Variants in ADGRB3 observed in about 807,000 individuals in gnomAD.
ADGRB3 encodes brain-specific angiogenesis inhibitor 3.
A neutral mutation model predicts 193.4 loss-of-function variants in ADGRB3; 37 were observed. That is an observed-to-expected ratio of 0.19 (90% CI 0.15 to 0.25). The LOEUF (loss-of-function observed/expected upper bound fraction) is 0.25, where lower values mean the gene tolerates loss of function less well. Among genes scored for constraint, ADGRB3 ranks in the 10% least tolerant of loss-of-function variants. The pLI is 1.00. For synonymous variants in ADGRB3, 690 were observed against 644.2 expected (o/e 1.07, Z -1.08); for missense variants, 1,637 against 1,852.9 (o/e 0.88, Z 2.14).
intron 3 of ADGRB3, among the ~76,000 whole-genome samples, chr6:68,782,028 T>A (rs954228756): frequency 3.3e-5 from 5 of 152,048 alleles, no homozygotes; most frequent in African/African-American, 1.2e-4. Context: ...TGTGCAGGTT[T>A]GTTACATATG....
intron 13 of ADGRB3, among the ~76,000 whole-genome samples, chr6:69,043,111 T>C (rs550729011): frequency 1.3e-5 from 2 of 152,244 alleles, no homozygotes; most frequent in South Asian, 2.1e-4. Flanking sequence ...GCAGTGATTC[T>C]CTCACTCTAT....
intron 20 of ADGRB3, among the ~76,000 whole-genome samples, chr6:69,284,459 T>A (rs1239193386): frequency 6.6e-6 from 1 of 152,054 alleles, no homozygotes; most frequent in Non-Finnish European, 1.5e-5. Flanking sequence ...ACCGAGGCAA[T>A]TTAAAAGCGT....
At chr6:68,940,804 A>G (rs939870565) in intron 5 of ADGRB3, among the ~76,000 whole-genome samples, 1 of 152,032 alleles carries the variant, frequency 6.6e-6, no homozygotes, top group Non-Finnish European at 1.5e-5. Context: ...AGGCACGAGA[A>G]TCACTTGAAC....
intron 3 of ADGRB3, among the ~76,000 whole-genome samples, chr6:68,812,829 C>A (rs1767541485): frequency 6.6e-6 from 1 of 151,810 alleles, no homozygotes; most frequent in Non-Finnish European, 1.5e-5. Context: ...CCCCTAGCCC[C>A]CCAACCCCCC....
chr6:69,093,697 A>C (rs950299996), intron 17 of ADGRB3, among the ~76,000 whole-genome samples: 1 of 151,050 alleles, frequency 6.6e-6, no homozygotes, highest in Non-Finnish European at 1.5e-5. Context: ...TGGGAAACCT[A>C]CGTTCAGGGG....
intron 10 of ADGRB3, among the ~76,000 whole-genome samples, chr6:68,984,826 T>C (rs1562110775): frequency 2.0e-5 from 3 of 151,960 alleles, no homozygotes; most frequent in Non-Finnish European, 4.4e-5. Context: ...GGAAAGCAGA[T>C]GGGAAAGATG....
intron 3 of ADGRB3, among the ~76,000 whole-genome samples, chr6:68,738,303 C>T (rs1027047632): frequency 6.6e-6 from 1 of 152,042 alleles, no homozygotes; most frequent in Non-Finnish European, 1.5e-5. Flanking sequence ...CCTTGCAGGC[C>T]AGTATGAGGA....
intron 19 of ADGRB3, among the ~76,000 whole-genome samples, chr6:69,237,253 A>T (rs141855660): frequency 6.6e-6 from 1 of 152,110 alleles, no homozygotes; most frequent in East Asian, 1.9e-4. Flanking sequence ...TTTTATTCTC[A>T]GTAAAAAGTT....
At chr6:69,254,857 CT>C (rs1191015306) in intron 20 of ADGRB3, among the ~76,000 whole-genome samples, 1 of 114,462 alleles carries the variant, frequency 8.7e-6, no homozygotes, top group East Asian at 3.2e-4. Flanking sequence ...TCCCTCCCCC[CT>C]CCCCCCACCC....
intron 3 of ADGRB3, among the ~76,000 whole-genome samples, chr6:68,670,312 T>G (rs889289741): frequency 6.6e-6 from 1 of 152,060 alleles, no homozygotes; most frequent in Non-Finnish European, 1.5e-5. Flanking sequence ...TGCCTGTGCT[T>G]GTAGGGTCTT....
At chr6:68,892,910 T>C (rs1766119536) in intron 3 of ADGRB3, among the ~76,000 whole-genome samples, 1 of 152,094 alleles carries the variant, frequency 6.6e-6, no homozygotes, top group Non-Finnish European at 1.5e-5. Flanking sequence ...TTGTACTTTA[T>C]AAAGCCTCAA....
chr6:69,028,543 G>A (rs895616328), intron 13 of ADGRB3, among the ~76,000 whole-genome samples: 3 of 151,846 alleles, frequency 2.0e-5, no homozygotes, highest in Non-Finnish European at 4.4e-5. Context: ...TTTATTAGTA[G>A]GGCTGCATTC....
chr6:68,679,113 T>A (rs1468859664), intron 3 of ADGRB3, among the ~76,000 whole-genome samples: 1 of 152,152 alleles, frequency 6.6e-6, no homozygotes, highest in Non-Finnish European at 1.5e-5. Context: ...TATATAGGAG[T>A]CATTTGCATA....
At chr6:69,026,227 G>T (rs1770429862) in intron 13 of ADGRB3, among the ~76,000 whole-genome samples, 1 of 152,210 alleles carries the variant, frequency 6.6e-6, no homozygotes, top group African/African-American at 2.4e-5. Context: ...GAATGAAGCA[G>T]TCGACAGGGT....
At chr6:68,862,971 G>A (rs1765198544) in intron 3 of ADGRB3, among the ~76,000 whole-genome samples, 2 of 151,992 alleles carry the variant, frequency 1.3e-5, no homozygotes, top group African/African-American at 4.8e-5. Context: ...CTAAGCATTT[G>A]CATTACTAAC....
intron 3 of ADGRB3, among the ~76,000 whole-genome samples, chr6:68,836,083 A>T (rs971615001): frequency 2.6e-5 from 4 of 152,102 alleles, no homozygotes; most frequent in Non-Finnish European, 5.9e-5. Context: ...TCTCTAGTAT[A>T]TCGAAAACAC....
In ADGRB3 at chr6:69,031,071, CTT is replaced by C. The variant is rs1157881850; in HGVS notation, c.2107+12573_2107+12574del. On this transcript the variant is annotated intron_variant, in intron 13 of 31. Transcript: ENST00000370598. ...CTTCTCTTCTCTTCTCTTCTCTTCT[CTT>C]CTCTTCTCTTCTCTTCTCTTCTCTT... 1.6e-3 allele frequency among the ~76,000 whole-genome samples: 79 copies of C among 48,760 alleles called. 7 individuals are homozygous for C. Among genetic ancestry groups the C allele is most frequent in the Non-Finnish European group, 2.3e-3 (41 of 17,680 alleles). The allele number at this position is 48,760 out of a possible 152,430, so 32.0% of individuals were successfully genotyped here.
At chr6:68,955,617 C>T (rs1166883033) in intron 6 of ADGRB3, among the ~76,000 whole-genome samples, 2 of 152,092 alleles carry the variant, frequency 1.3e-5, no homozygotes, top group African/African-American at 2.4e-5. Flanking sequence ...TGGTAAAACC[C>T]TGTCTCTACT....
chr6:69,322,808 C>T (rs1393826295), intron 20 of ADGRB3, among the ~76,000 whole-genome samples: 2 of 151,946 alleles, frequency 1.3e-5, no homozygotes, highest in African/African-American at 4.8e-5. Flanking sequence ...AGATAGCTTA[C>T]CTCCATACTT....
Sources: gnomAD v4.1 joint callset for allele counts (sites outside exome capture counted in the v4.1 genomes callset) on GRCh38, gnomAD v4.1.1 for gene constraint, MANE v1.5 for transcripts, NCBI Gene and HGNC (gene_info 2026-07-23, HGNC 2026-07-21) for gene names.